AOPEP: variants seen among roughly 807,000 people sequenced by gnomAD.
AOPEP encodes aminopeptidase O.
A neutral mutation model predicts 98.1 loss-of-function variants in AOPEP; 77 were observed. The ratio of observed to expected loss-of-function variants is 0.78; its 90% CI spans 0.65 to 0.95. The LOEUF is 0.95. Among genes scored for constraint, AOPEP ranks in the 40% least tolerant of loss-of-function variants. The probability of loss-of-function intolerance (pLI) is 0.00; values close to 1 mark genes in which losing one functional copy is unlikely to be tolerated. For missense variants in AOPEP, 1,024 were observed against 1,024.7 expected, an observed-to-expected ratio of 1.00 and a Z score of 0.01; for synonymous variants, 346 against 365.3, an observed-to-expected ratio of 0.95 and a Z score of 0.60.
At chr9:95,053,404 A>G (rs933235664) in intron 13 of AOPEP, among the ~76,000 whole-genome samples, 4 of 152,222 alleles carry the variant, frequency 2.6e-5, no homozygotes, top group Non-Finnish European at 5.9e-5. Context: ...ATCTTCCTAT[A>G]TTACAAAAAT....
intron 11 of AOPEP, among the ~76,000 whole-genome samples, chr9:94,996,648 C>T (rs562050342): frequency 2.0e-5 from 3 of 152,278 alleles, no homozygotes; most frequent in Admixed American, 1.3e-4. Flanking sequence ...TAGGAAATAA[C>T]GGGAAAGTAC....
intron 14 of AOPEP, among the ~76,000 whole-genome samples, chr9:95,066,241 T>C (rs561074039): frequency 5.3e-5 from 8 of 152,346 alleles, no homozygotes; most frequent in Non-Finnish European, 1.2e-4. Context: ...GGGTTTTCTT[T>C]CTGTTATTCA....
At chr9:95,022,529 T>C (rs1049562983) in intron 13 of AOPEP, among the ~76,000 whole-genome samples, 9 of 152,214 alleles carry the variant, frequency 5.9e-5, no homozygotes, top group Admixed American at 2.0e-4. Flanking sequence ...TTAGTAGAGA[T>C]GGGGTTTCAC....
At chr9:95,110,587 A>G in the AOPEP span, 2 of 1,035,608 alleles carry the variant, frequency 1.9e-6, no homozygotes, top group Non-Finnish European at 2.3e-6. Flanking sequence ...ATCTAAAACT[A>G]TTTTTCTTTC....
chr9:95,006,223 C>A, intron 13 of AOPEP: 1 of 359,352 alleles, frequency 2.8e-6, no homozygotes, highest in South Asian at 2.3e-5. Context: ...AGGTAAGTAG[C>A]CCGTTGTTTT....
chr9:94,851,040 A>C (rs764905378), intron 5 of AOPEP, among the ~76,000 whole-genome samples: 1 of 152,234 alleles, frequency 6.6e-6, no homozygotes, highest in Non-Finnish European at 1.5e-5. Context: ...CACCAATGCC[A>C]AGTAAGGCAC....
chr9:94,779,985 A>G (rs1842928947), intron 3 of AOPEP, among the ~76,000 whole-genome samples: 2 of 152,178 alleles, frequency 1.3e-5, no homozygotes, highest in Admixed American at 6.5e-5. Flanking sequence ...AATCATATAC[A>G]CTAATACAGA....
At chr9:94,929,562 C>G (rs1031838228) in intron 7 of AOPEP, among the ~76,000 whole-genome samples, 1 of 151,972 alleles carries the variant, frequency 6.6e-6, no homozygotes, top group Non-Finnish European at 1.5e-5. Context: ...TCCATTGTTT[C>G]GGAAAGGAGA....
chr9:95,077,086 G>C (rs534688939), intron 14 of AOPEP, among the ~76,000 whole-genome samples: 1 of 152,290 alleles, frequency 6.6e-6, no homozygotes, highest in South Asian at 2.1e-4. Context: ...TCTCTTGGTA[G>C]GTCCCTCTGA....
chr9:94,971,435 T>G (rs902846563), intron 10 of AOPEP, among the ~76,000 whole-genome samples: 10 of 152,224 alleles, frequency 6.6e-5, no homozygotes, highest in African/African-American at 2.4e-4. Context: ...TCTCAGAATC[T>G]AGTTCAGCTA....
intron 5 of AOPEP, among the ~76,000 whole-genome samples, chr9:94,849,254 G>T (rs1301986735): frequency 6.6e-6 from 1 of 152,160 alleles, no homozygotes; most frequent in African/African-American, 2.4e-5. Flanking sequence ...TATTTTCATT[G>T]AAGTTTAGTT....
At chr9:94,812,624 G>A (rs1344977143) in intron 5 of AOPEP, among the ~76,000 whole-genome samples, 1 of 152,072 alleles carries the variant, frequency 6.6e-6, no homozygotes. Flanking sequence ...ACTGGGAGGA[G>A]CCTGGTGTCA....
the AOPEP span, chr9:95,135,349 C>T: frequency 3.3e-4 from 529 of 1,613,856 alleles, 1 homozygote; most frequent in African/African-American, 4.8e-3. Flanking sequence ...TACGTACCAG[C>T]GATGAATCTT....
At chr9:95,118,133 C>A in the AOPEP span, among the ~76,000 whole-genome samples, 1 of 152,200 alleles carries the variant, frequency 6.6e-6, no homozygotes, top group East Asian at 1.9e-4. Context: ...ATTCTCCTGC[C>A]TCAGCCTCCT....
chr9:94,945,294 G>GT (rs200560050), intron 7 of AOPEP, among the ~76,000 whole-genome samples: 134 of 151,282 alleles, frequency 8.9e-4, no homozygotes, highest in East Asian at 8.8e-3. Flanking sequence ...TGAATTATTT[G>GT]TTTTTTTTTA....
chr9:94,852,440 G>A (rs1261593717), intron 5 of AOPEP, among the ~76,000 whole-genome samples: 1 of 152,198 alleles, frequency 6.6e-6, no homozygotes, highest in Non-Finnish European at 1.5e-5. Context: ...GAAGAGCAGT[G>A]GCTGGGAGTT....
intron 5 of AOPEP, among the ~76,000 whole-genome samples, chr9:94,919,107 G>A (rs1327687864): frequency 6.6e-6 from 1 of 152,028 alleles, no homozygotes; most frequent in South Asian, 2.1e-4. Flanking sequence ...GTACAGACAG[G>A]GTTTCACTAT....
chr9:95,116,909 G>T, the AOPEP span, among the ~76,000 whole-genome samples: 19 of 152,296 alleles, frequency 1.2e-4, 1 homozygote, highest in Admixed American at 9.2e-4. Flanking sequence ...CCATCATTTT[G>T]TCTTTTCTTC....
chr9:95,038,263 C>T (rs965513364), intron 13 of AOPEP, among the ~76,000 whole-genome samples: 3 of 152,144 alleles, frequency 2.0e-5, no homozygotes, highest in Non-Finnish European at 4.4e-5. Context: ...ACTTGAATGA[C>T]AGGGTAGATA....
Sources: gnomAD v4.1 joint callset for allele counts (sites outside exome capture counted in the v4.1 genomes callset) on GRCh38, gnomAD v4.1.1 for gene constraint, MANE v1.5 for transcripts, NCBI Gene and HGNC (gene_info 2026-07-23, HGNC 2026-07-21) for gene names.